ATMIN: variants seen among roughly 807,000 people sequenced by gnomAD.
ATMIN encodes ATM INteracting protein.
In ATMIN, 24 loss-of-function variants were observed where a neutral mutation model predicts 49.2. The ratio of observed to expected loss-of-function variants is 0.49; its 90% CI spans 0.35 to 0.69. The LOEUF (loss-of-function observed/expected upper bound fraction) is 0.69. ATMIN is among the 30% of genes least tolerant of loss of function. The pLI, the probability that ATMIN is intolerant of heterozygous loss-of-function variation, is 0.00. For synonymous variants in ATMIN, 450 were observed against 392.5 expected (o/e 1.15, Z -1.73); for missense variants, 1,037 against 1,005.5 (o/e 1.03, Z -0.42).
Position 81,041,181 on chromosome 16 carries a change from C to T in ATMIN, c.337-175C>T, listed in dbSNP as rs1351843127. The T allele has an allele frequency of 6.6e-6, 4 of 603,072 alleles. No individual in the cohort carries two copies. In the Admixed American group the frequency reaches 1.4e-4, roughly 20 times the overall value. The allele number at this position is 603,072 out of a possible 1,614,324, so 37.4% of individuals were successfully genotyped here. A position where few individuals can be genotyped will look rare whatever the true frequency, so the allele number is the denominator to read the frequency against. Reference sequence around the variant, plus strand: ...TTTAGAGTCTTGCTTAGTATTCTCACCACATTTCGTTTAATCTACTCATAC... The same window carrying T: ...TTTAGAGTCTTGCTTAGTATTCTCATCACATTTCGTTTAATCTACTCATAC... On this transcript the variant is annotated intron_variant, in intron 1 of 3. Transcript: ENST00000299575.
Position 81,035,852 on chromosome 16 carries a change from G to C in ATMIN, c.-19G>C, listed in dbSNP as rs1175088518. The C allele has an allele frequency of 2.5e-6, 2 of 800,854 alleles. No homozygotes were observed. The highest frequency in any genetic ancestry group is 1.9e-5 in the African/African-American group (1 of 53,330). The allele number at this position is 800,854 out of a possible 1,614,324, so 49.6% of individuals were successfully genotyped here. A position where few individuals can be genotyped will look rare whatever the true frequency, so the allele number is the denominator to read the frequency against. On this transcript the variant is annotated 5_prime_UTR_variant, in exon 1 of 4. Transcript: ENST00000299575. ...GGGGGCGGGGCCTACGAACTGGGCCGGGCGGCCGTGCGGGAGCCATGGCGG... is the reference window on the plus strand; with the variant it reads ...GGGGGCGGGGCCTACGAACTGGGCCCGGCGGCCGTGCGGGAGCCATGGCGG...
chr16:81,043,220 A>T lies in ATMIN; in HGVS notation c.722A>T (p.Asn241Ile), dbSNP rs148405522. Residue 241 changes from asparagine to isoleucine, a missense_variant, in exon 4 of 4, where the codon AAC becomes ATC. Coordinates refer to ENST00000299575, the MANE Select transcript of ATMIN (RefSeq NM_015251.3). ...TGTGCACAAAACCAGAAGTTATCCAACAAGACCATTGAATCATTGAACAAC... is the reference window on the plus strand; with the variant it reads ...TGTGCACAAAACCAGAAGTTATCCATCAAGACCATTGAATCATTGAACAAC... ...ENCAQNQKLS[N>I]KTIESLNNQP... 4.2e-5 allele frequency: 67 copies of T among 1,613,904 alleles called. No homozygotes were observed. Among genetic ancestry groups the T allele is most frequent in the South Asian group, 3.6e-4 (33 of 91,060 alleles).
At chr16:81,037,470 C>T (rs1970959523) in intron 1 of ATMIN, 4 of 985,306 alleles carry the variant, frequency 4.1e-6, no homozygotes, top group Non-Finnish European at 4.8e-6. Context: ...AGGAAATGTA[C>T]CTGAGGTATG....
intron 1 of ATMIN, among the ~76,000 whole-genome samples, chr16:81,039,877 G>A (rs1166687391): frequency 6.6e-6 from 1 of 152,166 alleles, no homozygotes. Context: ...AGACTATACT[G>A]TACAAAGATT....
At chr16:81,039,955 C>T (rs1478625005) in intron 1 of ATMIN, among the ~76,000 whole-genome samples, 1 of 152,154 alleles carries the variant, frequency 6.6e-6, no homozygotes, top group East Asian at 1.9e-4. Flanking sequence ...TCTCGGAAGG[C>T]AGTCAGGTGG....
chr16:81,044,028 A>G lies in ATMIN; in HGVS notation c.1530A>G (p.Gln510=), dbSNP rs745751434. The change falls in exon 4 of 4, where the codon CAA becomes CAG. Residue 510 remains glutamine (Q), a synonymous_variant. Coordinates refer to ENST00000299575, the MANE Select transcript of ATMIN (RefSeq NM_015251.3). ...CGGATGACCATGTACAGATGGACCA[A>G]GCTGGAATGTGCGGAGACATTTTTG... is the stretch of plus-strand genomic sequence containing the variant. ...SPTDDHVQMD[Q]AGMCGDIFES... The G allele has an allele frequency of 6.2e-7, 1 of 1,614,116 alleles. No individual in the cohort carries two copies. Among genetic ancestry groups the G allele is most frequent in the African/African-American group, 1.3e-5 (1 of 74,940 alleles).
chr16:81,041,139 T>C (rs1210368135), intron 1 of ATMIN: 1 of 475,096 alleles, frequency 2.1e-6, no homozygotes. Flanking sequence ...TCAGTAATGG[T>C]CAAATGAATG....
At position 81,044,489 on chromosome 16, in the gene ATMIN, T is replaced by G. The variant is rs1397688527; in HGVS notation, c.1991T>G (p.Val664Gly). The change falls in exon 4 of 4, where the codon GTC becomes GGC. Residue 664 changes from valine (V) to glycine (G), a missense_variant. Coordinates refer to ENST00000299575, the MANE Select transcript of ATMIN (RefSeq NM_015251.3). ...SELSTMTTEP[V>G]LESLDIETQT... ...CTTAGCACCATGACCACCGAGCCAG[T>G]CTTGGAGTCACTGGACATAGAGACT... The G allele has an allele frequency of 1.2e-6, 2 of 1,613,714 alleles. No individual in the cohort carries two copies. The highest frequency in any genetic ancestry group is 3.3e-5 in the Admixed American group (2 of 59,982).
Position 81,036,100 on chromosome 16 carries a change from C to G in ATMIN, c.230C>G (p.Ser77Cys), listed in dbSNP as rs1970923723. 1 of 1,421,580 alleles carries G rather than the reference C, an allele frequency of 7.0e-7. No homozygotes were observed. Among genetic ancestry groups the G allele is most frequent in the Non-Finnish European group, 9.3e-7 (1 of 1,076,980 alleles). 88.1% of individuals were successfully genotyped at this position (1,421,580 alleles called of 1,614,324 possible). A position where few individuals can be genotyped will look rare whatever the true frequency, so the allele number is the denominator to read the frequency against. ...ATCCAGCCGTCGGTGAGCGAGCTGT[C>G]CCGGGCCGTGCGGACCAACATCCTG... ...ELIQPSVSEL[S>C]RAVRTNILCT... Residue 77 changes from serine (S) to cysteine (C), a missense_variant, in exon 1 of 4, where the codon TCC (serine) becomes TGC (cysteine). Ser to Cys is a moderately radical substitution (Grantham distance 112). Coordinates refer to ENST00000299575, the MANE Select transcript of ATMIN (RefSeq NM_015251.3).
At chr16:81,039,146 G>A (rs1344948227) in intron 1 of ATMIN, among the ~76,000 whole-genome samples, 1 of 152,122 alleles carries the variant, frequency 6.6e-6, no homozygotes, top group African/African-American at 2.4e-5. Flanking sequence ...GAAGGTAGGG[G>A]TAAGGACAAG....
At position 81,043,811 on chromosome 16, in the gene ATMIN, C is replaced by T. The variant is rs751633732; in HGVS notation, c.1313C>T (p.Ser438Leu). The change falls in exon 4 of 4, where the codon TCG (serine) becomes TTG (leucine). Residue 438 changes from serine (S) to leucine (L), a missense_variant. Physicochemically the swap from Ser to Leu is moderately radical, Grantham distance 145 (BLOSUM62 -2). Transcript: ENST00000299575. ...AQWATADSSVSSCSQTDLSFD... is the reference protein window; with the variant it reads ...AQWATADSSVLSCSQTDLSFD... The stretch of plus-strand genomic sequence containing the variant: ...TGGGCCACTGCTGATTCCTCTGTGT[C>T]GTCTTGTTCTCAAACTGATTTGTCG... 3.1e-6 allele frequency: 5 copies of T among 1,614,206 alleles called. No homozygotes were observed. The highest frequency in any genetic ancestry group is 2.2e-5 in the East Asian group (1 of 44,888).
Position 81,045,228 on chromosome 16 carries a change from TAA to T in ATMIN, c.*268_*269del, listed in dbSNP as rs34341857. 10,130 of 341,522 alleles carry T rather than the reference TAA, an allele frequency of 0.03. 95 individuals are homozygous for T. The highest frequency in any genetic ancestry group is 0.058 in the South Asian group (994 of 17,206). 21.2% of individuals were successfully genotyped at this position (341,522 alleles called of 1,614,324 possible). On this transcript the variant is annotated 3_prime_UTR_variant, in exon 4 of 4. Transcript: ENST00000299575. Reference sequence around the variant, plus strand: ...CTTTTCACAGCTAGTCTTTTCATGTTAAAAAAAAAAATGTATTTCATATCTAT... The same window carrying T: ...CTTTTCACAGCTAGTCTTTTCATGTTAAAAAAAAATGTATTTCATATCTAT...
At chr16:81,037,384 T>C (rs1970957405) in intron 1 of ATMIN, 5 of 985,398 alleles carry the variant, frequency 5.1e-6, no homozygotes, top group African/African-American at 1.7e-5. Context: ...GTGTCGCCAA[T>C]GAAGAGTGAT....
chr16:81,043,290 A>C lies in ATMIN; in HGVS notation c.792A>C (p.Glu264Asp). 6.2e-7 allele frequency: 1 copy of C among 1,614,172 alleles called. No individual in the cohort carries two copies. The highest frequency in any genetic ancestry group is 8.5e-7 in the Non-Finnish European group (1 of 1,180,014). The change falls in exon 4 of 4, where the codon GAA becomes GAC. Residue 264 changes from glutamate (E) to aspartate (D), a missense_variant. By Grantham distance (45) the Glu-to-Asp change is conservative (BLOSUM62 2). Coordinates refer to ENST00000299575, the MANE Select transcript of ATMIN (RefSeq NM_015251.3). ...ACACTCAAGAACTAGAAGCTTCAGA[A>C]ATAAAGCTAGAACCATCTTTTGAAG... ...RPDTQELEAS[E>D]IKLEPSFEDS...
At chr16:81,041,267 A>C in intron 1 of ATMIN, 89 bp from the exon 2 acceptor site, 1 of 1,387,650 alleles carries the variant, frequency 7.2e-7, no homozygotes, top group Non-Finnish European at 9.8e-7. Flanking sequence ...ATTTCACAAA[A>C]TGTGCTCGTT....
rs778748823 is a variant in ATMIN at position 81,043,350 on chromosome 16, T to G, written c.852T>G (p.Leu284=). 6.2e-7 allele frequency: 1 copy of G among 1,609,352 alleles called. No homozygotes were observed. Among genetic ancestry groups the G allele is most frequent in the South Asian group, 1.1e-5 (1 of 90,838 alleles). ...GCTCTAACACTGACAAGCAGACTCT[T>G]ACAACACCACCGAGATATCCTCAGA... ...SCGSNTDKQT[L]TTPPRYPQKL... is the part of the protein sequence containing the mutation. The change falls in exon 4 of 4, where the codon CTT becomes CTG. Residue 284 remains leucine (L), a synonymous_variant. Coordinates refer to ENST00000299575, the MANE Select transcript of ATMIN (RefSeq NM_015251.3).
intron 2 of ATMIN, chr16:81,041,784 C>T (rs1971041187): frequency 4.0e-6 from 1 of 251,604 alleles, no homozygotes; most frequent in Admixed American, 5.0e-5. Flanking sequence ...CTCCAAGGGC[C>T]CAGCGCAAAG....
Position 81,044,960 on chromosome 16 carries a change from C to G in ATMIN, c.2462C>G (p.Ser821Cys). Reference sequence around the variant, plus strand: ...ACTTCTGCGGAACCACACACAGTCTCCAACTTCTAAAACTAACGGTGGAGT... The same window carrying G: ...ACTTCTGCGGAACCACACACAGTCTGCAACTTCTAAAACTAACGGTGGAGT... ...TQTSAEPHTV[S>C]NF is the part of the protein sequence containing the mutation. Residue 821 changes from serine to cysteine, a missense_variant, in exon 4 of 4, where the codon TCC becomes TGC. Physicochemically the swap from Ser to Cys is moderately radical, Grantham distance 112 (BLOSUM62 -1). Transcript: ENST00000299575. The G allele has an allele frequency of 6.2e-7, 1 of 1,611,806 alleles. No homozygotes were observed. The highest frequency in any genetic ancestry group is 8.5e-7 in the Non-Finnish European group (1 of 1,178,332).
At chr16:81,036,407 G>T (rs1018461867) in intron 1 of ATMIN, among the ~76,000 whole-genome samples, 32 of 152,026 alleles carry the variant, frequency 2.1e-4, no homozygotes, top group East Asian at 3.9e-4. Context: ...CTCTGGGGGG[G>T]AGGAGGAGCT....
Sources: gnomAD v4.1 joint callset for allele counts (sites outside exome capture counted in the v4.1 genomes callset) on GRCh38, gnomAD v4.1.1 for gene constraint, MANE v1.5 for transcripts, NCBI Gene and HGNC (gene_info 2026-07-23, HGNC 2026-07-21) for gene names.